CHCHD6: variants seen among roughly 807,000 people sequenced by gnomAD.
The protein encoded by CHCHD6 is coiled-coil-helix-coiled-coil-helix domain containing 6.
A neutral mutation model predicts 32.3 loss-of-function variants in CHCHD6; 28 were observed. That is an observed-to-expected ratio of 0.87 (90% CI 0.64 to 1.19). The LOEUF (loss-of-function observed/expected upper bound fraction) is 1.19, where lower values mean the gene tolerates loss of function less well. Among genes scored for constraint, CHCHD6 ranks in the 50% most tolerant of loss-of-function variants. The pLI, the probability that CHCHD6 is intolerant of heterozygous loss-of-function variation, is 0.00. For synonymous variants in CHCHD6, 122 were observed against 117.5 expected (o/e 1.04, Z -0.25); for missense variants, 333 against 307.0 (o/e 1.08, Z -0.63).
intron 1 of CHCHD6, among the ~76,000 whole-genome samples, chr3:126,713,656 A>G (rs1042472967): frequency 1.3e-5 from 2 of 151,610 alleles, no homozygotes; most frequent in African/African-American, 4.9e-5. Flanking sequence ...TTCCACACTT[A>G]CTTCCTTTCT....
intron 5 of CHCHD6, among the ~76,000 whole-genome samples, chr3:126,888,751 TC>T (rs1478436887): frequency 6.6e-6 from 1 of 152,052 alleles, no homozygotes; most frequent in East Asian, 1.9e-4. Flanking sequence ...GTGTGCCTGC[TC>T]CCCCACCATG....
intron 4 of CHCHD6, among the ~76,000 whole-genome samples, chr3:126,809,584 G>A (rs1939567273): frequency 6.6e-6 from 1 of 152,182 alleles, no homozygotes; most frequent in South Asian, 2.1e-4. Flanking sequence ...AGATGTCTGT[G>A]TCCGCTCTTG....
intron 5 of CHCHD6, among the ~76,000 whole-genome samples, chr3:126,886,591 G>T (rs573651511): frequency 1.3e-5 from 2 of 152,108 alleles, no homozygotes; most frequent in Admixed American, 6.6e-5. Context: ...GTTTCCCCTC[G>T]TTCCCGTTCA....
At chr3:126,895,299 C>T (rs1241468897) in intron 5 of CHCHD6, among the ~76,000 whole-genome samples, 2 of 152,176 alleles carry the variant, frequency 1.3e-5, no homozygotes, top group Admixed American at 6.5e-5. Context: ...GGAAAGGATT[C>T]CTCTGAGAGC....
chr3:126,704,472 A>C, intron 1 of CHCHD6, 73 bp downstream of exon 1: 1 of 952,652 alleles, frequency 1.0e-6, no homozygotes, highest in Non-Finnish European at 1.4e-6. Flanking sequence ...GGCGGAGCGC[A>C]GGGCCGGGGC....
chr3:126,825,875 G>A (rs907072388), intron 4 of CHCHD6, among the ~76,000 whole-genome samples: 2 of 152,162 alleles, frequency 1.3e-5, no homozygotes, highest in Non-Finnish European at 2.9e-5. Context: ...CCAGAACGAT[G>A]CAACAAACAC....
intron 1 of CHCHD6, among the ~76,000 whole-genome samples, chr3:126,722,382 C>T (rs757050074): frequency 6.6e-6 from 1 of 152,154 alleles, no homozygotes; most frequent in East Asian, 1.9e-4. Context: ...AGGCTGGTCT[C>T]AAACTCCTGG....
intron 6 of CHCHD6, 169 bp from the exon 7 acceptor site, chr3:126,957,247 T>C: frequency 1.3e-6 from 1 of 750,300 alleles, no homozygotes; most frequent in Non-Finnish European, 2.2e-6. Flanking sequence ...CGTCCTCTCA[T>C]TTCTAGAACG....
chr3:126,922,140 T>C (rs538649900), intron 6 of CHCHD6, among the ~76,000 whole-genome samples: 2 of 152,370 alleles, frequency 1.3e-5, no homozygotes, highest in South Asian at 4.1e-4. Flanking sequence ...GATACATTCA[T>C]TTAACTAATC....
At chr3:126,872,505 A>G (rs1049414182) in intron 5 of CHCHD6, among the ~76,000 whole-genome samples, 3 of 152,220 alleles carry the variant, frequency 2.0e-5, no homozygotes, top group African/African-American at 7.2e-5. Context: ...ATCTGCATTT[A>G]GATGAGCACA....
chr3:126,904,495 A>C (rs1208907565), intron 5 of CHCHD6, among the ~76,000 whole-genome samples: 1 of 152,208 alleles, frequency 6.6e-6, no homozygotes, highest in East Asian at 1.9e-4. Flanking sequence ...CTGTGCGGCT[A>C]TTGCTAATTA....
At position 126,733,144 on chromosome 3, in the gene CHCHD6, T is replaced by A. The variant is rs1559811102; in HGVS notation, c.333T>A (p.Ala111=). Residue 111 remains alanine, a synonymous_variant, in exon 4 of 8, where the codon GCT becomes GCA. Coordinates refer to ENST00000290913, the MANE Select transcript of CHCHD6 (RefSeq NM_032343.3). ...AGGTGGCAAAGAGGGAAAGAGAGGC[T>A]GCCACCAAGCACTCCAAGGCATCCC... ...LFQVAKRERE[A]ATKHSKASLP... 6.2e-7 allele frequency: 1 copy of A among 1,614,184 alleles called. No homozygotes were observed. The highest frequency in any genetic ancestry group is 1.7e-5 in the Admixed American group (1 of 60,020).
intron 5 of CHCHD6, among the ~76,000 whole-genome samples, chr3:126,895,801 T>C (rs2077830756): frequency 6.6e-6 from 1 of 152,148 alleles, no homozygotes; most frequent in Admixed American, 6.5e-5. Context: ...CTTAGGTTGG[T>C]AGGAATAGGC....
intron 5 of CHCHD6, among the ~76,000 whole-genome samples, chr3:126,901,401 C>T (rs1310352496): frequency 1.3e-5 from 2 of 152,160 alleles, no homozygotes; most frequent in African/African-American, 2.4e-5. Flanking sequence ...GGCCAGGGCA[C>T]GGGAATGTAC....
chr3:126,873,857 G>A (rs554752469), intron 5 of CHCHD6, among the ~76,000 whole-genome samples: 2 of 152,348 alleles, frequency 1.3e-5, no homozygotes, highest in Admixed American at 6.5e-5. Context: ...CTGGGCCTCA[G>A]AGAGTATGTA....
At chr3:126,723,154 G>T (rs900607466) in intron 1 of CHCHD6, among the ~76,000 whole-genome samples, 12 of 152,024 alleles carry the variant, frequency 7.9e-5, no homozygotes, top group Middle Eastern at 3.2e-3. Flanking sequence ...CCCTTCCATT[G>T]ATATGTTTGG....
At chr3:126,834,161 T>C (rs1230185573) in intron 4 of CHCHD6, among the ~76,000 whole-genome samples, 4 of 150,778 alleles carry the variant, frequency 2.7e-5, no homozygotes, top group African/African-American at 4.9e-5. Flanking sequence ...CAGTTCAACA[T>C]ATATTTATGC....
chr3:126,809,129 G>A (rs1431731264), intron 4 of CHCHD6, among the ~76,000 whole-genome samples: 3 of 152,050 alleles, frequency 2.0e-5, no homozygotes, highest in East Asian at 3.9e-4. Context: ...ATGCCACCAC[G>A]CCCAGCTAAT....
chr3:126,868,414 T>A (rs140100048), intron 5 of CHCHD6, among the ~76,000 whole-genome samples: 1,805 of 151,910 alleles, frequency 0.012, 20 homozygotes, highest in Middle Eastern at 0.048. Flanking sequence ...GCTTGGAGCT[T>A]ACCCAGCCAT....
Sources: allele counts gnomAD v4.1 joint callset (sites outside exome capture counted in the v4.1 genomes callset), GRCh38; gene constraint gnomAD v4.1.1; transcripts MANE v1.5; gene names NCBI Gene and HGNC (gene_info 2026-07-23, HGNC 2026-07-21).